The following TEX46 variants were observed in gnomAD, a reference collection of about 807,000 sequenced individuals.
TEX46 encodes the protein testis expressed 46, also known as testis-expressed protein 46.
TEX46 carries 6 observed loss-of-function variants against 5.3 expected under a neutral mutation model. That is an observed-to-expected ratio of 1.13 (90% CI 0.62 to 2.23). The LOEUF is 2.23. Ranked by LOEUF, TEX46 falls within the 30% of genes most tolerant of loss-of-function variation. The probability of loss-of-function intolerance (pLI) is 0.00; values close to 1 mark genes in which losing one functional copy is unlikely to be tolerated. For synonymous variants in TEX46, 41 were observed against 54.6 expected, an observed-to-expected ratio of 0.75 and a Z score of 1.10; for missense variants, 131 against 150.9, an observed-to-expected ratio of 0.87 and a Z score of 0.69.
intron 2 of TEX46, 21 bp from the exon 3 acceptor site, chr1:23,011,122 G>A (rs1266770332): frequency 4.6e-6 from 7 of 1,527,280 alleles, no homozygotes; most frequent in Non-Finnish European, 6.1e-6. Flanking sequence ...AAGCAGGCAT[G>A]CGTTCTATTG....
chr1:23,014,989 C>T (rs1319582248), intron 1 of TEX46, among the ~76,000 whole-genome samples: 2 of 152,042 alleles, frequency 1.3e-5, no homozygotes, highest in South Asian at 2.1e-4. Context: ...ATTACAGGCA[C>T]GCACCACCAC....
rs1320512173 is a variant in TEX46, at chr1:23,011,100, T to C, written c.167A>G (p.Asp56Gly). 2 of 1,535,820 alleles carry C rather than the reference T, an allele frequency of 1.3e-6. No individual in the cohort carries two copies. Among genetic ancestry groups the C allele is most frequent in the East Asian group, 4.9e-5 (2 of 40,902 alleles). ...GAACAACAGCCGTTGGAGGATCTCG[T>C]CCTGGAGGGCAAAGCAGGCATGCGT... The part of the protein sequence containing the change: ...HKLTLPEPQQ[D>G]EILQRLLFSE... The change falls in exon 3 of 3, where the codon GAC (aspartate) becomes GGC (glycine). Residue 56 changes from aspartate to glycine, a missense_variant and splice_region_variant. By Grantham distance (94) the Asp-to-Gly change is moderately conservative. Coordinates refer to ENST00000566855, the MANE Select transcript of TEX46 (RefSeq NM_001242521.2).
chr1:23,015,012 T>C (rs113104482), intron 1 of TEX46, among the ~76,000 whole-genome samples: 1,917 of 151,916 alleles, frequency 0.013, 54 homozygotes, highest in African/African-American at 0.044. Context: ...CCACCTAATT[T>C]TTGTATTTTT....
chr1:23,011,765 C>A (rs775425098), intron 2 of TEX46, among the ~76,000 whole-genome samples: 3 of 152,100 alleles, frequency 2.0e-5, no homozygotes, highest in Admixed American at 1.3e-4. Flanking sequence ...CTCAAATTCC[C>A]GAGTCCTCCA....
At chr1:23,014,231 C>T in intron 1 of TEX46, 186 bp from the exon 2 acceptor site, 1 of 1,144,166 alleles carries the variant, frequency 8.7e-7, no homozygotes, top group Non-Finnish European at 1.2e-6. Flanking sequence ...GAAGCACCCA[C>T]TATGTGCCAG....
Position 23,015,835 on chromosome 1 carries a change from G to T in TEX46, c.-62C>A. On this transcript the variant is annotated 5_prime_UTR_variant, in exon 1 of 3. Coordinates refer to ENST00000566855, the MANE Select transcript of TEX46 (RefSeq NM_001242521.2). ...AGTAGAATGGTGGCTGCCAGGGTCT[G>T]GAAGGAGGGGCAAATGTAGTCATTG... is the stretch of plus-strand genomic sequence containing the variant. 1 of 677,602 alleles carries T rather than the reference G, an allele frequency of 1.5e-6. No individual in the cohort carries two copies. The highest frequency in any genetic ancestry group is 1.6e-5 in the South Asian group (1 of 62,940). The allele number at this position is 677,602 out of a possible 1,614,324, so 42.0% of individuals were successfully genotyped here.
chr1:23,012,007 T>C (rs1409052575), intron 2 of TEX46, among the ~76,000 whole-genome samples: 1 of 149,872 alleles, frequency 6.7e-6, no homozygotes, highest in Non-Finnish European at 1.5e-5. Context: ...ATAACACTTA[T>C]TTTTTTTTTC....
chr1:23,014,059 T>A lies in TEX46; in HGVS notation c.3-14A>T. The A allele has an allele frequency of 1.3e-6, 2 of 1,534,906 alleles. No homozygotes were observed. Among genetic ancestry groups the A allele is most frequent in the Non-Finnish European group, 1.7e-6 (2 of 1,146,270 alleles). On this transcript the variant is annotated splice_polypyrimidine_tract_variant and intron_variant, in intron 1 of 2. Transcript: ENST00000566855. Reference sequence around the variant, plus strand: ...CCATGGAGACTCCTAAAGAGAAATATCAGTTCTGCCAGCATTATGGCGTGG... The same window carrying A: ...CCATGGAGACTCCTAAAGAGAAATAACAGTTCTGCCAGCATTATGGCGTGG...
intron 2 of TEX46, 96 bp from the exon 3 acceptor site, chr1:23,011,197 C>G: frequency 1.1e-6 from 1 of 927,500 alleles, no homozygotes; most frequent in African/African-American, 1.7e-5. Context: ...GGTTTCTCTT[C>G]CTCCTTTTAA....
rs914653736 is a variant in TEX46 at position 23,013,151 on chromosome 1, A to G, written c.165+732T>C. Among the ~76,000 whole-genome samples, 6 of 152,082 alleles carry G rather than the reference A, an allele frequency of 3.9e-5. No homozygotes were observed. The East Asian group carries it at 1.2e-3, about 29-fold the overall frequency. Reference sequence around the variant, plus strand: ...CTAAAGTGCAGGGATTATAGCTGTGAGCCACTGCGCCAGGCTGTTTTGCTT... The same window carrying G: ...CTAAAGTGCAGGGATTATAGCTGTGGGCCACTGCGCCAGGCTGTTTTGCTT... On this transcript the variant is annotated intron_variant, in intron 2 of 2. Coordinates refer to ENST00000566855, the MANE Select transcript of TEX46 (RefSeq NM_001242521.2).
intron 1 of TEX46, among the ~76,000 whole-genome samples, chr1:23,014,879 G>A (rs1569577427): frequency 6.6e-6 from 1 of 151,766 alleles, no homozygotes; most frequent in South Asian, 2.1e-4. Flanking sequence ...CTCTCACTCT[G>A]CTGCCCAGGC....
chr1:23,014,384 TA>T (rs770503244), intron 1 of TEX46, among the ~76,000 whole-genome samples: 3 of 152,194 alleles, frequency 2.0e-5, no homozygotes, highest in South Asian at 2.1e-4. Context: ...CCTACCATCA[TA>T]GGGGCAAAGA....
rs189896774 is a variant in TEX46, at chr1:23,012,178, C to T, written c.166-1077G>A. On this transcript the variant is annotated intron_variant, in intron 2 of 2. Coordinates refer to ENST00000566855, the MANE Select transcript of TEX46 (RefSeq NM_001242521.2). ...CAGCCTGGGAAACATGGTAAAATCC[C>T]GTCTCCACAAAAACTAGAAAAAATT... is the stretch of plus-strand genomic sequence containing the variant. Among the ~76,000 whole-genome samples, 10 of 151,818 alleles carry T rather than the reference C, an allele frequency of 6.6e-5. No individual in the cohort carries two copies. In the East Asian group the frequency reaches 1.2e-3, roughly 18 times the overall value.
chr1:23,013,743 G>A, intron 2 of TEX46, 140 bp downstream of exon 2: 1 of 740,440 alleles, frequency 1.4e-6, no homozygotes, highest in South Asian at 1.9e-5. Context: ...AGAGGAAGCT[G>A]TAGAGTGGTG....
chr1:23,010,887 C>T lies in TEX46; in HGVS notation c.*14G>A. On this transcript the variant is annotated 3_prime_UTR_variant, in exon 3 of 3. Transcript: ENST00000566855. ...AAAGGTAACATCGGCAGAGGCCAGC[C>T]CGCCTCGGCCTCATTAGCTGGGGGA... The T allele has an allele frequency of 6.6e-7, 1 of 1,516,346 alleles. No homozygotes were observed. Among genetic ancestry groups the T allele is most frequent in the Non-Finnish European group, 8.8e-7 (1 of 1,130,656 alleles). 93.9% of individuals were successfully genotyped at this position (1,516,346 alleles called of 1,614,324 possible). A position where few individuals can be genotyped will look rare whatever the true frequency, so the allele number is the denominator to read the frequency against.
chr1:23,010,975 T>G lies in TEX46; in HGVS notation c.292A>C (p.Lys98Gln). The G allele has an allele frequency of 6.5e-7, 1 of 1,535,818 alleles. No individual in the cohort carries two copies. The highest frequency in any genetic ancestry group is 8.7e-7 in the Non-Finnish European group (1 of 1,146,654). ...RSSRHRNFPM[K>Q]KHRMRRHESI... ...TCATGCCTCCTCATTCTGTGTTTTT[T>G]CATGGGAAAATTCCGATGTCTGCTT... The change falls in exon 3 of 3, where the codon AAA (lysine) becomes CAA (glutamine). Residue 98 changes from lysine to glutamine, a missense_variant. By Grantham distance (53) the Lys-to-Gln change is moderately conservative (BLOSUM62 1). Coordinates refer to ENST00000566855, the MANE Select transcript of TEX46 (RefSeq NM_001242521.2).
Position 23,011,024 on chromosome 1 carries a change from A to G in TEX46, c.243T>C (p.Asn81=). ...VLENQMFIIW[N]KMNHHGRSSR... ...TTGACCGCCCGTGGTGATTCATTTT[A>G]TTCCATATGATGAACATCTGATTTT... The change falls in exon 3 of 3, where the codon AAT becomes AAC. Residue 81 remains asparagine (N), a synonymous_variant. Transcript: ENST00000566855. 3.3e-6 allele frequency: 5 copies of G among 1,535,936 alleles called. No individual in the cohort carries two copies. The highest frequency in any genetic ancestry group is 4.4e-6 in the Non-Finnish European group (5 of 1,146,782).
chr1:23,015,711 T>C (rs2124293967), intron 1 of TEX46, 61 bp downstream of exon 1: 6 of 687,364 alleles, frequency 8.7e-6, no homozygotes, highest in South Asian at 7.7e-5. Flanking sequence ...CTTGAGGACA[T>C]TAAGCTAAGT....
intron 1 of TEX46, 56 bp downstream of exon 1, chr1:23,015,716 C>G (rs1468298858): frequency 8.7e-6 from 6 of 688,858 alleles, no homozygotes; most frequent in Admixed American, 6.3e-5. Flanking sequence ...GGACATTAAG[C>G]TAAGTGAAAT....
Sources: allele counts gnomAD v4.1 joint callset (sites outside exome capture counted in the v4.1 genomes callset), GRCh38; gene constraint gnomAD v4.1.1; transcripts MANE v1.5; gene names NCBI Gene and HGNC (gene_info 2026-07-23, HGNC 2026-07-21).